MED13L: variants seen among roughly 807,000 people sequenced by gnomAD.
MED13L encodes mediator complex subunit 13L, also known as mediator of RNA polymerase II transcription subunit 13-like.
In MED13L, 7 loss-of-function variants were observed where a neutral mutation model predicts 220.9. The observed-to-expected ratio is 0.03, with a 90% CI of 0.02 to 0.06. The LOEUF (loss-of-function observed/expected upper bound fraction) is 0.06, where lower values mean the gene tolerates loss of function less well. Among genes scored for constraint, MED13L ranks in the 10% least tolerant of loss-of-function variants. The pLI, the probability that MED13L is intolerant of heterozygous loss-of-function variation, is 1.00. For missense variants in MED13L, 1,965 were observed against 2,760.5 expected (o/e 0.71, Z 6.46); for synonymous variants, 1,011 against 1,015.2 (o/e 1.00, Z 0.08).
chr12:116,157,973 C>T (rs1878573217), intron 2 of MED13L, among the ~76,000 whole-genome samples: 1 of 152,178 alleles, frequency 6.6e-6, no homozygotes, highest in South Asian at 2.1e-4. Flanking sequence ...GATCAGATTA[C>T]TGGTTGCCAC....
intron 4 of MED13L, among the ~76,000 whole-genome samples, chr12:116,081,635 G>T (rs561357486): frequency 1.3e-5 from 2 of 152,196 alleles, no homozygotes; most frequent in African/African-American, 4.8e-5. Context: ...TGTAATCCCA[G>T]CACTTTGGAA....
chr12:116,128,106 G>A (rs891543211), intron 2 of MED13L, among the ~76,000 whole-genome samples: 1 of 151,982 alleles, frequency 6.6e-6, no homozygotes, highest in Non-Finnish European at 1.5e-5. Flanking sequence ...CTATTGCTTT[G>A]TAGCAGACAA....
chr12:116,180,279 G>A (rs1485966228), intron 2 of MED13L, among the ~76,000 whole-genome samples: 2 of 152,076 alleles, frequency 1.3e-5, no homozygotes, highest in African/African-American at 4.8e-5. Context: ...GAAATCCAAA[G>A]TGCTCCAAAA....
Position 116,237,622 on chromosome 12 carries a change from T to A in MED13L, c.156A>T (p.Gln52His). 1 of 1,614,182 alleles carries A rather than the reference T, an allele frequency of 6.2e-7. No individual in the cohort carries two copies. ...TGAAACTTAACAGAATTGGATCATC[T>A]TGGGCTGGGGCTGAAATTATGGGTC... ...DCGPIISAPAQDDPILLSFIR... is the reference protein window; with the variant it reads ...DCGPIISAPAHDDPILLSFIR... The change falls in exon 2 of 31, where the codon CAA becomes CAT. Residue 52 changes from glutamine (Q) to histidine (H), a missense_variant. Coordinates refer to ENST00000281928, the MANE Select transcript of MED13L (RefSeq NM_015335.5).
chr12:115,991,875 C>T lies in MED13L; in HGVS notation c.3079G>A (p.Ala1027Thr), dbSNP rs757625355. 1.6e-5 allele frequency: 26 copies of T among 1,604,864 alleles called. No homozygotes were observed. In the African/African-American group the frequency reaches 2.9e-4, roughly 18 times the overall value. Residue 1027 changes from alanine (A) to threonine (T), a missense_variant, in exon 17 of 31, where the codon GCT becomes ACT. This residue lies in a region of MED13L where 233 missense variants were observed against 306.2 expected (regional missense o/e 0.76). Coordinates refer to ENST00000281928, the MANE Select transcript of MED13L (RefSeq NM_015335.5). This position sits in a 1 kb window ranked among gnomAD's most constrained non-coding sequence, Gnocchi z 7.7. Reference sequence around the variant, plus strand: ...GCCCCACTATTGCTGGCTGGGGCAGCGCTGTTCAACGTCACGGGTGTGTTC... The same window carrying T: ...GCCCCACTATTGCTGGCTGGGGCAGTGCTGTTCAACGTCACGGGTGTGTTC... ...QMNTPVTLNS[A>T]APASNSGAGV...
chr12:116,111,131 A>AGG (rs1874041770), intron 3 of MED13L, among the ~76,000 whole-genome samples: 1 of 152,182 alleles, frequency 6.6e-6, no homozygotes, highest in South Asian at 2.1e-4. Context: ...CAAATACTTA[A>AGG]GGGTAAAAAA....
intron 26 of MED13L, among the ~76,000 whole-genome samples, chr12:115,971,094 A>G (rs954158033): frequency 6.6e-6 from 1 of 152,250 alleles, no homozygotes; most frequent in Admixed American, 6.5e-5. Flanking sequence ...CACAATTTAT[A>G]AAGTACTGTT....
At chr12:116,158,223 C>T (rs1593112134) in intron 2 of MED13L, among the ~76,000 whole-genome samples, 1 of 150,948 alleles carries the variant, frequency 6.6e-6, no homozygotes, top group East Asian at 1.9e-4. Context: ...AAGGCAAGAG[C>T]TTATCTCAAA....
chr12:116,237,381 G>A lies in MED13L; in HGVS notation c.310+87C>T, dbSNP rs530696059. 9 of 1,082,086 alleles carry A rather than the reference G, an allele frequency of 8.3e-6. No individual in the cohort carries two copies. In the East Asian group the frequency reaches 2.0e-4, roughly 23 times the overall value. 67.0% of individuals were successfully genotyped at this position (1,082,086 alleles called of 1,614,324 possible). ...TGAAACACTTAAGATCGTTCTTTTAGACAAGTCTTAATAATCTGTTTGAAA... is the reference window on the plus strand; with the variant it reads ...TGAAACACTTAAGATCGTTCTTTTAAACAAGTCTTAATAATCTGTTTGAAA... On this transcript the variant is annotated intron_variant, in intron 2 of 30. Coordinates refer to ENST00000281928, the MANE Select transcript of MED13L (RefSeq NM_015335.5).
At chr12:116,277,006 G>A (rs1873912961) in intron 1 of MED13L, 54 bp downstream of exon 1, 1 of 1,490,528 alleles carries the variant, frequency 6.7e-7, no homozygotes, top group Non-Finnish European at 9.1e-7. Context: ...GGCGGAGGTC[G>A]GGGACCCCCC....
chr12:116,239,911 A>G (rs987237733), intron 1 of MED13L, among the ~76,000 whole-genome samples: 4 of 152,210 alleles, frequency 2.6e-5, no homozygotes, highest in Non-Finnish European at 5.9e-5. Flanking sequence ...AGATGGGGCC[A>G]CCATTCCTGG....
chr12:115,981,232 T>A (rs969844691), intron 22 of MED13L, among the ~76,000 whole-genome samples: 1 of 152,234 alleles, frequency 6.6e-6, no homozygotes, highest in Non-Finnish European at 1.5e-5. Context: ...AAGATCTCAA[T>A]TTATTACAGG....
intron 2 of MED13L, among the ~76,000 whole-genome samples, chr12:116,117,152 T>A (rs534158557): frequency 6.6e-6 from 1 of 152,108 alleles, no homozygotes; most frequent in South Asian, 2.1e-4. Context: ...AAAATATGGA[T>A]GAATCTCATT....
At chr12:116,029,175 T>A (rs1463753200) in intron 4 of MED13L, among the ~76,000 whole-genome samples, 1 of 127,910 alleles carries the variant, frequency 7.8e-6, no homozygotes, top group Non-Finnish European at 1.6e-5. Context: ...AAGAAATAAA[T>A]AAGGAACTAA....
At chr12:116,005,048 T>C (rs1878966424) in intron 13 of MED13L, among the ~76,000 whole-genome samples, 1 of 152,198 alleles carries the variant, frequency 6.6e-6, no homozygotes, top group African/African-American at 2.4e-5. Flanking sequence ...ATCATATTTC[T>C]AACCTCAATG....
intron 2 of MED13L, among the ~76,000 whole-genome samples, chr12:116,135,884 G>T (rs74984387): frequency 8.1e-4 from 123 of 152,006 alleles, no homozygotes; most frequent in African/African-American, 2.7e-3. Context: ...TTCAAGTGGG[G>T]CTGTTTTTCA....
intron 3 of MED13L, among the ~76,000 whole-genome samples, chr12:116,099,958 A>T (rs1457584285): frequency 6.6e-6 from 1 of 152,214 alleles, no homozygotes; most frequent in Admixed American, 6.6e-5. Flanking sequence ...TCCAAATAAG[A>T]GTCACAAATA....
At chr12:116,101,736 G>A (rs1873081829) in intron 3 of MED13L, among the ~76,000 whole-genome samples, 1 of 152,126 alleles carries the variant, frequency 6.6e-6, no homozygotes, top group Admixed American at 6.5e-5. Context: ...AGTTACATCA[G>A]AAATATAATT....
intron 2 of MED13L, among the ~76,000 whole-genome samples, chr12:116,143,309 G>A (rs1877235371): frequency 6.6e-6 from 1 of 150,700 alleles, no homozygotes; most frequent in East Asian, 1.9e-4. Flanking sequence ...TGAGCCCAGG[G>A]GACACAGCAA....
Sources: gnomAD v4.1 joint callset for allele counts (sites outside exome capture counted in the v4.1 genomes callset) on GRCh38, gnomAD v4.1.1 for gene constraint, gnomAD v4.1.1 regional missense constraint, Gnocchi (gnomAD v3.1) non-coding constraint, MANE v1.5 for transcripts, NCBI Gene and HGNC (gene_info 2026-07-23, HGNC 2026-07-21) for gene names.